RSRC1: variants seen among roughly 807,000 people sequenced by gnomAD.
RSRC1 encodes the protein serine/Arginine-related protein 53.
A neutral mutation model predicts 49.1 loss-of-function variants in RSRC1; 39 were observed. That is an observed-to-expected ratio of 0.79 (90% CI 0.61 to 1.04). The LOEUF is 1.04. Ranked by LOEUF, RSRC1 falls within the 50% of genes least tolerant of loss-of-function variation. The probability of loss-of-function intolerance (pLI) is 0.00; values close to 1 mark genes in which losing one functional copy is unlikely to be tolerated. For missense variants in RSRC1, 388 were observed against 402.4 expected (o/e 0.96, Z 0.31); for synonymous variants, 143 against 130.8 (o/e 1.09, Z -0.63).
chr3:158,514,961 A>G (rs1039889456), intron 7 of RSRC1, among the ~76,000 whole-genome samples: 6 of 150,830 alleles, frequency 4.0e-5, no homozygotes, highest in South Asian at 2.1e-4. Flanking sequence ...TTTGTTTTCC[A>G]TTTGCTTGGT....
In RSRC1 at chr3:158,300,291, T is replaced by C. The variant is rs1363201234; in HGVS notation, c.531+2216T>C. On this transcript the variant is annotated intron_variant, in intron 5 of 9. Coordinates refer to ENST00000611884, the MANE Select transcript of RSRC1 (RefSeq NM_001271838.2). ...AGTTGTTTGAAAGACTGTAACTTTA[T>C]GTTGTAATCGACCCACTAACTGTGA... Among the ~76,000 whole-genome samples the C allele has an allele frequency of 2.6e-5, 4 of 152,336 alleles. No homozygotes were observed. In the East Asian group the frequency reaches 5.8e-4, roughly 22 times the overall value.
At chr3:158,415,903 CTTTAT>C (rs1283760504) in intron 6 of RSRC1, among the ~76,000 whole-genome samples, 2 of 151,746 alleles carry the variant, frequency 1.3e-5, no homozygotes, top group African/African-American at 2.4e-5. Context: ...GTTGTTTTTG[CTTTAT>C]TTTATTAGCC....
intron 3 of RSRC1, among the ~76,000 whole-genome samples, chr3:158,160,877 C>T (rs1454559159): frequency 6.6e-6 from 1 of 152,136 alleles, no homozygotes; most frequent in East Asian, 1.9e-4. Flanking sequence ...CTTTCTAAGT[C>T]TGTATATTAC....
At chr3:158,278,840 T>C (rs1006746742) in intron 4 of RSRC1, among the ~76,000 whole-genome samples, 10 of 152,232 alleles carry the variant, frequency 6.6e-5, no homozygotes, top group African/African-American at 2.4e-4. Context: ...TCTGCTGTGA[T>C]GAGATACTCC....
intron 6 of RSRC1, among the ~76,000 whole-genome samples, chr3:158,385,822 T>C (rs1485907878): frequency 6.6e-6 from 1 of 152,160 alleles, no homozygotes; most frequent in African/African-American, 2.4e-5. Flanking sequence ...CATAAACAAA[T>C]TGTGTTTGTC....
chr3:158,233,232 ATTTG>A (rs1256144951), intron 4 of RSRC1, among the ~76,000 whole-genome samples: 1 of 151,634 alleles, frequency 6.6e-6, no homozygotes, highest in Non-Finnish European at 1.5e-5. Flanking sequence ...GTGGTTTTTT[ATTTG>A]TTTATTTGTT....
At chr3:158,376,407 C>T (rs1264788237) in intron 6 of RSRC1, among the ~76,000 whole-genome samples, 2 of 151,930 alleles carry the variant, frequency 1.3e-5, no homozygotes, top group African/African-American at 4.8e-5. Context: ...GGTTATCTGC[C>T]TGCCTCGGCC....
intron 1 of RSRC1, chr3:158,110,619 G>C (rs1474195563): frequency 1.3e-5 from 2 of 152,388 alleles, no homozygotes; most frequent in Non-Finnish European, 2.9e-5. Flanking sequence ...GGTGGAGCAA[G>C]AGGGAGGCTG....
At chr3:158,494,725 C>T (rs1479711087) in intron 7 of RSRC1, among the ~76,000 whole-genome samples, 3 of 151,888 alleles carry the variant, frequency 2.0e-5, no homozygotes, top group Non-Finnish European at 2.9e-5. Flanking sequence ...AAAACTTTTT[C>T]GTTAAAACTA....
At chr3:158,393,232 T>C (rs1186556866) in intron 6 of RSRC1, among the ~76,000 whole-genome samples, 1 of 151,826 alleles carries the variant, frequency 6.6e-6, no homozygotes, top group Non-Finnish European at 1.5e-5. Flanking sequence ...TCCCAAATTA[T>C]CAACCTAGCA....
intron 3 of RSRC1, among the ~76,000 whole-genome samples, chr3:158,125,273 T>C (rs1222833113): frequency 1.3e-5 from 2 of 152,070 alleles, no homozygotes; most frequent in Admixed American, 6.5e-5. Context: ...GGATAATTTT[T>C]GGTTTAATTT....
At chr3:158,305,041 G>T (rs968640980) in intron 5 of RSRC1, among the ~76,000 whole-genome samples, 1 of 152,026 alleles carries the variant, frequency 6.6e-6, no homozygotes, top group East Asian at 1.9e-4. Context: ...CAAGTGATCC[G>T]TTTCTCTGAT....
At chr3:158,423,481 C>G (rs972911952) in intron 6 of RSRC1, among the ~76,000 whole-genome samples, 28 of 152,168 alleles carry the variant, frequency 1.8e-4, no homozygotes, top group African/African-American at 5.8e-4. Context: ...TTACTGTAGC[C>G]TTGTAGTATA....
chr3:158,470,355 CACACACATAT>C (rs779253867), intron 7 of RSRC1, among the ~76,000 whole-genome samples: 46 of 117,204 alleles, frequency 3.9e-4, no homozygotes, highest in African/African-American at 1.4e-3. Flanking sequence ...CACACACACA[CACACACATAT>C]ATATATATAT....
intron 6 of RSRC1, among the ~76,000 whole-genome samples, chr3:158,366,633 C>CT (rs375651682): frequency 0.03 from 4,528 of 152,014 alleles, 123 homozygotes; most frequent in Non-Finnish European, 0.046. Flanking sequence ...TATATGGGCT[C>CT]TTTTTTTTGT....
intron 4 of RSRC1, among the ~76,000 whole-genome samples, chr3:158,293,779 T>C (rs1275340973): frequency 6.6e-6 from 1 of 152,088 alleles, no homozygotes; most frequent in Non-Finnish European, 1.5e-5. Flanking sequence ...AAATAATAGT[T>C]TATTAGCTAT....
intron 6 of RSRC1, among the ~76,000 whole-genome samples, chr3:158,459,349 C>G (rs1038078164): frequency 2.0e-5 from 3 of 151,974 alleles, no homozygotes; most frequent in African/African-American, 7.2e-5. Flanking sequence ...AAATTGTGCC[C>G]AGTTGGCCCA....
chr3:158,297,967 A>T, intron 4 of RSRC1, 72 bp from the exon 5 acceptor site: 1 of 1,094,678 alleles, frequency 9.1e-7, no homozygotes, highest in Non-Finnish European at 1.4e-6. Flanking sequence ...TTTATAAAAC[A>T]TTTTTGAGGT....
At chr3:158,477,327 C>A (rs943416276) in intron 7 of RSRC1, among the ~76,000 whole-genome samples, 1 of 152,106 alleles carries the variant, frequency 6.6e-6, no homozygotes, top group Non-Finnish European at 1.5e-5. Flanking sequence ...GCATCACATG[C>A]TATAGAGAAC....
Sources: allele counts gnomAD v4.1 joint callset (sites outside exome capture counted in the v4.1 genomes callset), GRCh38; gene constraint gnomAD v4.1.1; transcripts MANE v1.5; gene names NCBI Gene and HGNC (gene_info 2026-07-23, HGNC 2026-07-21).